PCDH9: variants seen among roughly 807,000 people sequenced by gnomAD.
PCDH9 encodes protocadherin-9.
Under a neutral mutation model 70.6 loss-of-function variants are expected in PCDH9, and 24 were observed. The ratio of observed to expected loss-of-function variants is 0.34; its 90% CI spans 0.25 to 0.48. The LOEUF (loss-of-function observed/expected upper bound fraction) is 0.48. PCDH9 is among the 20% of genes least tolerant of loss of function. The probability of loss-of-function intolerance (pLI) is 0.99; values close to 1 mark genes in which losing one functional copy is unlikely to be tolerated. For missense variants in PCDH9, 1,281 were observed against 1,503.6 expected (o/e 0.85, Z 2.45); for synonymous variants, 562 against 558.5 (o/e 1.01, Z -0.09).
At chr13:66,309,637 C>A (rs1355455288) in intron 4 of PCDH9, among the ~76,000 whole-genome samples, 2 of 151,376 alleles carry the variant, frequency 1.3e-5, no homozygotes, top group Non-Finnish European at 2.9e-5. Flanking sequence ...AACTGTAATC[C>A]TTTTTCTTTG....
intron 3 of PCDH9, among the ~76,000 whole-genome samples, chr13:66,840,251 C>T (rs548506626): frequency 6.9e-6 from 1 of 145,414 alleles, no homozygotes; most frequent in Admixed American, 7.2e-5. Context: ...TTTTATATTA[C>T]ATTAGAAAGG....
intron 3 of PCDH9, among the ~76,000 whole-genome samples, chr13:66,856,342 T>G (rs2081394128): frequency 6.6e-6 from 1 of 151,984 alleles, no homozygotes; most frequent in Non-Finnish European, 1.5e-5. Context: ...ATGAAAGCAA[T>G]GGGAGTTCAA....
intron 3 of PCDH9, among the ~76,000 whole-genome samples, chr13:66,655,224 A>G (rs2077912307): frequency 6.6e-6 from 1 of 152,226 alleles, no homozygotes; most frequent in South Asian, 2.1e-4. Context: ...AGTAGTTAAG[A>G]GTGAGTGAGT....
chr13:66,609,202 G>A (rs1421544985), intron 4 of PCDH9, among the ~76,000 whole-genome samples: 1 of 152,278 alleles, frequency 6.6e-6, no homozygotes, highest in African/African-American at 2.4e-5. Context: ...GACCAGGAAT[G>A]TCTATCTGCC....
intron 3 of PCDH9, among the ~76,000 whole-genome samples, chr13:66,656,797 A>G (rs904042752): frequency 1.3e-5 from 2 of 152,230 alleles, no homozygotes; most frequent in African/African-American, 2.4e-5. Flanking sequence ...TTATGATATG[A>G]GTTAGGTACA....
intron 4 of PCDH9, among the ~76,000 whole-genome samples, chr13:66,385,169 T>G (rs1384454706): frequency 2.6e-5 from 4 of 152,158 alleles, no homozygotes; most frequent in African/African-American, 9.7e-5. Context: ...GGTATATTCA[T>G]GTTGTTGCAA....
intron 4 of PCDH9, among the ~76,000 whole-genome samples, chr13:66,327,554 C>CA (rs1955869680): frequency 2.0e-5 from 3 of 152,130 alleles, no homozygotes; most frequent in South Asian, 2.1e-4. Context: ...AAAATAAGCA[C>CA]TATGTAAGTA....
At chr13:66,431,078 A>C (rs970332139) in intron 4 of PCDH9, among the ~76,000 whole-genome samples, 2 of 152,052 alleles carry the variant, frequency 1.3e-5, no homozygotes, top group South Asian at 4.1e-4. Flanking sequence ...ATGAAATTTG[A>C]CTATAGCCAT....
At chr13:66,780,624 T>G (rs530471733) in intron 3 of PCDH9, among the ~76,000 whole-genome samples, 9 of 152,124 alleles carry the variant, frequency 5.9e-5, no homozygotes, top group Non-Finnish European at 1.2e-4. Context: ...CCTTTCCACT[T>G]TACTCCCTAG....
At chr13:67,042,736 G>A (rs541590852) in intron 2 of PCDH9, among the ~76,000 whole-genome samples, 3 of 152,200 alleles carry the variant, frequency 2.0e-5, no homozygotes, top group African/African-American at 7.2e-5. Flanking sequence ...AATGACAAAT[G>A]GTGCTTAGCT....
chr13:66,359,644 G>C (rs757583701), intron 4 of PCDH9, among the ~76,000 whole-genome samples: 3 of 152,028 alleles, frequency 2.0e-5, no homozygotes, highest in African/African-American at 7.2e-5. Context: ...CATTGAGACT[G>C]TCTAGTAACA....
chr13:66,959,552 A>G (rs2083312660), intron 2 of PCDH9, among the ~76,000 whole-genome samples: 1 of 152,052 alleles, frequency 6.6e-6, no homozygotes, highest in Non-Finnish European at 1.5e-5. Context: ...CCAGAGTTTG[A>G]GACCAGCCTG....
intron 3 of PCDH9, among the ~76,000 whole-genome samples, chr13:66,725,226 A>T (rs922256755): frequency 1.3e-5 from 2 of 152,156 alleles, no homozygotes; most frequent in Non-Finnish European, 1.5e-5. Context: ...CTTTCAAAAG[A>T]TATCAAGAAT....
chr13:66,367,279 T>C (rs1347779680), intron 4 of PCDH9, among the ~76,000 whole-genome samples: 1 of 152,150 alleles, frequency 6.6e-6, no homozygotes, highest in Non-Finnish European at 1.5e-5. Context: ...GGGAGAGTCA[T>C]TTTAAAAATT....
chr13:67,156,891 G>C (rs918006571), intron 2 of PCDH9, among the ~76,000 whole-genome samples: 1 of 152,130 alleles, frequency 6.6e-6, no homozygotes, highest in African/African-American at 2.4e-5. Context: ...GCACTGGAGA[G>C]CCACACCCAC....
intron 4 of PCDH9, among the ~76,000 whole-genome samples, chr13:66,542,158 T>C (rs1960985516): frequency 6.6e-6 from 1 of 152,134 alleles, no homozygotes; most frequent in Non-Finnish European, 1.5e-5. Flanking sequence ...ATAAATGATA[T>C]CATTTCTATC....
At chr13:66,825,114 G>A (rs1411315320) in intron 3 of PCDH9, 2 of 151,592 alleles carry the variant, frequency 1.3e-5, no homozygotes, top group African/African-American at 4.8e-5. Flanking sequence ...CATTCTTTAA[G>A]AATGTAAAAG....
chr13:66,847,728 A>G (rs76680085), intron 3 of PCDH9, among the ~76,000 whole-genome samples: 4,602 of 152,248 alleles, frequency 0.03, 234 homozygotes, highest in African/African-American at 0.1. Context: ...CTTGAACACA[A>G]TCATTGCAAT....
rs1391927309 is a variant in PCDH9 at position 67,230,171 on chromosome 13, G to A, written c.-527C>T. On this transcript the variant is annotated 5_prime_UTR_variant, in exon 1 of 5. Coordinates refer to ENST00000377865, the MANE Select transcript of PCDH9 (RefSeq NM_203487.3). ...TAGGAAACGTCAGAGTTGCGGTGAT[G>A]ATGATTCTCTGACAGCTATCCGGGT... 1 of 152,228 alleles carries A rather than the reference G, an allele frequency of 6.6e-6. No individual in the cohort carries two copies. The highest frequency in any genetic ancestry group is 1.5e-5 in the Non-Finnish European group (1 of 68,058). The allele number at this position is 152,228 out of a possible 1,614,324, so 9.4% of individuals were successfully genotyped here. A position where few individuals can be genotyped will look rare whatever the true frequency, so the allele number is the denominator to read the frequency against.
Sources: allele counts gnomAD v4.1 joint callset (sites outside exome capture counted in the v4.1 genomes callset), GRCh38; gene constraint gnomAD v4.1.1; transcripts MANE v1.5; gene names NCBI Gene and HGNC (gene_info 2026-07-23, HGNC 2026-07-21).